The following OR2L13 variants were observed in gnomAD, a reference collection of about 807,000 sequenced individuals.
OR2L13 encodes olfactory receptor 2L13.
OR2L13 carries 14 observed loss-of-function variants against 15.3 expected under a neutral mutation model. The ratio of observed to expected loss-of-function variants is 0.91; its 90% CI spans 0.60 to 1.43. The LOEUF (loss-of-function observed/expected upper bound fraction) is 1.43. Among genes scored for constraint, OR2L13 ranks in the 40% most tolerant of loss-of-function variants. The pLI is 0.00. For missense variants in OR2L13, 367 were observed against 387.9 expected, an observed-to-expected ratio of 0.95 and a Z score of 0.45; for synonymous variants, 152 against 142.9, an observed-to-expected ratio of 1.06 and a Z score of -0.45.
the OR2L13 span, chr1:248,003,125 T>C: frequency 8.0e-7 from 1 of 1,247,962 alleles, no homozygotes; most frequent in Non-Finnish European, 1.2e-6. Flanking sequence ...ATTGTAGGAA[T>C]GCCCCATGGA....
At chr1:248,015,893 G>T in the OR2L13 span, among the ~76,000 whole-genome samples, 1 of 152,090 alleles carries the variant, frequency 6.6e-6, no homozygotes, top group Non-Finnish European at 1.5e-5. Flanking sequence ...CATCAAAACT[G>T]AGGAAAATAT....
the OR2L13 span, chr1:247,990,702 A>G: frequency 1.3e-6 from 2 of 1,542,632 alleles, no homozygotes; most frequent in African/African-American, 2.7e-5. Context: ...TGATGATAAC[A>G]GGATCTTGGA....
At chr1:248,082,931 CTTA>C in the OR2L13 span, among the ~76,000 whole-genome samples, 1 of 152,090 alleles carries the variant, frequency 6.6e-6, no homozygotes. Context: ...GAAAAGAGAA[CTTA>C]GTTGTAGTTT....
the OR2L13 span, chr1:248,061,726 C>T: frequency 9.4e-7 from 1 of 1,059,558 alleles, no homozygotes; most frequent in Non-Finnish European, 1.3e-6. Context: ...TAAAAGTAAT[C>T]AAGGTAAGAG....
chr1:248,042,661 C>A, the OR2L13 span, among the ~76,000 whole-genome samples: 2 of 152,112 alleles, frequency 1.3e-5, no homozygotes, highest in African/African-American at 4.8e-5. Flanking sequence ...AATGATGAGA[C>A]AATCTAGCAA....
chr1:248,082,390 C>T, the OR2L13 span, among the ~76,000 whole-genome samples: 6 of 140,194 alleles, frequency 4.3e-5, no homozygotes, highest in East Asian at 6.5e-4. Flanking sequence ...GGAGATATAC[C>T]TAATGCTAGA....
chr1:248,058,124 T>C, the OR2L13 span, among the ~76,000 whole-genome samples: 1 of 152,188 alleles, frequency 6.6e-6, no homozygotes, highest in African/African-American at 2.4e-5. Context: ...ACATAATTTT[T>C]ACATCACTTT....
the OR2L13 span, chr1:248,023,819 G>A: frequency 6.6e-6 from 1 of 152,142 alleles, no homozygotes; most frequent in East Asian, 1.9e-4. Flanking sequence ...GAGGAGGCAA[G>A]AAGGAAGGTA....
At chr1:248,099,129 C>T (rs1177445973) in intron 2 of OR2L13, among the ~76,000 whole-genome samples, 1 of 152,080 alleles carries the variant, frequency 6.6e-6, no homozygotes, top group African/African-American at 2.4e-5. Flanking sequence ...CTGCTTGACT[C>T]TGCTGTCATC....
At chr1:248,091,420 T>A (rs1251079774), upstream of OR2L13, among the ~76,000 whole-genome samples, 1 of 152,180 alleles carries the variant, frequency 6.6e-6, no homozygotes, top group African/African-American at 2.4e-5. Flanking sequence ...GTTTAGGTTT[T>A]ATGTTGAAGT....
upstream of OR2L13, among the ~76,000 whole-genome samples, chr1:248,096,369 T>C (rs1215151401): frequency 2.1e-5 from 3 of 145,534 alleles, no homozygotes; most frequent in African/African-American, 7.8e-5. Flanking sequence ...GGCGACACAG[T>C]GAGACTCTGT....
the OR2L13 span, among the ~76,000 whole-genome samples, chr1:248,027,946 C>T: frequency 2.0e-5 from 3 of 151,750 alleles, no homozygotes; most frequent in Non-Finnish European, 4.4e-5. Flanking sequence ...CAAGACCATC[C>T]TGGCTAACAC....
At chr1:248,012,552 T>C in the OR2L13 span, among the ~76,000 whole-genome samples, 1 of 152,178 alleles carries the variant, frequency 6.6e-6, no homozygotes. Context: ...AAGGAAGATA[T>C]AAAACCAGTG....
chr1:247,958,254 G>T, the OR2L13 span, among the ~76,000 whole-genome samples: 1 of 152,166 alleles, frequency 6.6e-6, no homozygotes, highest in Non-Finnish European at 1.5e-5. Flanking sequence ...GAGCAGTTTT[G>T]AGTGAGTTTT....
chr1:248,098,164 G>A (rs1235826220), intron 1 of OR2L13, among the ~76,000 whole-genome samples: 7 of 151,978 alleles, frequency 4.6e-5, no homozygotes, highest in African/African-American at 1.7e-4. Flanking sequence ...CTATAGAATC[G>A]TAATCACTAC....
chr1:248,046,161 G>A, the OR2L13 span, among the ~76,000 whole-genome samples: 271 of 152,182 alleles, frequency 1.8e-3, 1 homozygote, highest in Middle Eastern at 0.024. Context: ...AACAAGAGTA[G>A]TAACATCATT....
chr1:247,963,523 G>C, the OR2L13 span, among the ~76,000 whole-genome samples: 1 of 152,072 alleles, frequency 6.6e-6, no homozygotes, highest in Non-Finnish European at 1.5e-5. Context: ...CCTATCTCAG[G>C]AATATTCAAG....
the OR2L13 span, chr1:248,003,240 C>T: frequency 3.2e-6 from 5 of 1,554,924 alleles, no homozygotes; most frequent in African/African-American, 2.7e-5. Context: ...TTCCTAATGG[C>T]TCTAATTGGA....
chr1:248,050,540 A>G, the OR2L13 span, among the ~76,000 whole-genome samples: 1 of 152,122 alleles, frequency 6.6e-6, no homozygotes, highest in Non-Finnish European at 1.5e-5. Context: ...TAAAAAGATG[A>G]TACATTGGCA....
Sources: gnomAD v4.1 joint callset for allele counts (sites outside exome capture counted in the v4.1 genomes callset) on GRCh38, gnomAD v4.1.1 for gene constraint, MANE v1.5 for transcripts, NCBI Gene and HGNC (gene_info 2026-07-23, HGNC 2026-07-21) for gene names.